MCTP2: variants seen among roughly 807,000 people sequenced by gnomAD.
MCTP2 encodes the protein multiple C2 and transmembrane domain containing 2.
MCTP2 carries 132 observed loss-of-function variants against 111.6 expected under a neutral mutation model. The observed-to-expected ratio is 1.18, with a 90% CI of 1.03 to 1.37. MCTP2 has a LOEUF of 1.37. Among genes scored for constraint, MCTP2 ranks in the 40% most tolerant of loss-of-function variants. The pLI is 0.00. For missense variants in MCTP2, 1,183 were observed against 1,067.9 expected (o/e 1.11, Z -1.50); for synonymous variants, 395 against 387.7 (o/e 1.02, Z -0.22).
intron 18 of MCTP2, 111 bp downstream of exon 18, chr15:94,440,409 G>C: frequency 7.2e-7 from 1 of 1,380,592 alleles, no homozygotes; most frequent in South Asian, 1.3e-5. Context: ...GGTGTAAGGA[G>C]CAGCCCTGCA....
At chr15:94,333,692 G>A (rs894818259) in intron 4 of MCTP2, among the ~76,000 whole-genome samples, 5 of 152,174 alleles carry the variant, frequency 3.3e-5, no homozygotes, top group Non-Finnish European at 2.9e-5. Flanking sequence ...CTTTCCTGAT[G>A]ATAGACTTGA....
At chr15:94,245,169 CA>C (rs2071722217) in intron 1 of MCTP2, among the ~76,000 whole-genome samples, 1 of 145,450 alleles carries the variant, frequency 6.9e-6, no homozygotes, top group African/African-American at 2.5e-5. Flanking sequence ...TATTTATACA[CA>C]TGTATAGATT....
At chr15:94,257,569 GTTTTTTTTTTTTTTT>G (rs760633548) in intron 1 of MCTP2, among the ~76,000 whole-genome samples, 360 of 33,838 alleles carry the variant, frequency 0.011, 1 homozygote, top group Non-Finnish European at 0.015. Context: ...TTTCTTTGTT[GTTTTTTTTTTTTTTT>G]TTTTTTTTTT....
At chr15:94,422,350 G>C (rs979676379) in intron 17 of MCTP2, among the ~76,000 whole-genome samples, 2 of 152,148 alleles carry the variant, frequency 1.3e-5, no homozygotes, top group African/African-American at 4.8e-5. Context: ...TAGTGAGTGA[G>C]TGTAAGGGGC....
chr15:94,290,721 C>A (rs897459496), intron 1 of MCTP2, among the ~76,000 whole-genome samples: 1 of 152,080 alleles, frequency 6.6e-6, no homozygotes, highest in Non-Finnish European at 1.5e-5. Flanking sequence ...GAAATAAAAC[C>A]CACACAAACA....
intron 20 of MCTP2, among the ~76,000 whole-genome samples, chr15:94,462,512 C>G (rs1338664226): frequency 6.6e-6 from 1 of 152,102 alleles, no homozygotes; most frequent in East Asian, 1.9e-4. Context: ...AGAAGATGTT[C>G]TATGATAAAT....
At chr15:94,398,377 A>G (rs1429527312) in intron 14 of MCTP2, among the ~76,000 whole-genome samples, 1 of 152,232 alleles carries the variant, frequency 6.6e-6, no homozygotes, top group East Asian at 1.9e-4. Context: ...TTCCCCATAC[A>G]TACCTTATCC....
At chr15:94,388,502 A>G (rs541711392) in intron 14 of MCTP2, among the ~76,000 whole-genome samples, 18 of 152,254 alleles carry the variant, frequency 1.2e-4, no homozygotes, top group Non-Finnish European at 2.6e-4. Flanking sequence ...TGATCTTAAA[A>G]TTGCTGTAAC....
intron 4 of MCTP2, among the ~76,000 whole-genome samples, chr15:94,337,144 C>T (rs1367579378): frequency 6.6e-6 from 1 of 152,166 alleles, no homozygotes; most frequent in Non-Finnish European, 1.5e-5. Flanking sequence ...GAGAAAATCA[C>T]AATGTGCTCC....
intron 4 of MCTP2, among the ~76,000 whole-genome samples, chr15:94,325,019 A>C (rs971169165): frequency 4.6e-5 from 7 of 152,330 alleles, no homozygotes; most frequent in Admixed American, 3.9e-4. Flanking sequence ...TCATTCTGGC[A>C]GCCCTCTGGG....
chr15:94,403,008 A>C, intron 17 of MCTP2: 6 of 996,852 alleles, frequency 6.0e-6, no homozygotes, highest in Non-Finnish European at 4.8e-6. Flanking sequence ...AAAAACATTT[A>C]TTAGCCCAAG....
chr15:94,256,161 A>G lies in MCTP2; in HGVS notation c.-66+24497A>G, dbSNP rs1456013617. On this transcript the variant is annotated intron_variant, in intron 1 of 22. Coordinates refer to ENST00000357742, the MANE Select transcript of MCTP2 (RefSeq NM_001385001.1). The stretch of plus-strand genomic sequence containing the variant: ...CACACCTGACCCTGTGTGATGGGTC[A>G]CAGTCAAAATGCAGCCGAAACTTTG... Among the ~76,000 whole-genome samples the G allele has an allele frequency of 2.0e-5, 3 of 152,210 alleles. No homozygotes were observed. The East Asian group carries it at 5.8e-4, about 29-fold the overall frequency.
At chr15:94,328,550 G>A (rs1469440022) in intron 4 of MCTP2, among the ~76,000 whole-genome samples, 1 of 152,192 alleles carries the variant, frequency 6.6e-6, no homozygotes, top group East Asian at 1.9e-4. Context: ...ACGTTGATGT[G>A]TGTTGTGTAT....
chr15:94,283,178 G>T (rs1316861677), intron 1 of MCTP2, among the ~76,000 whole-genome samples: 2 of 152,162 alleles, frequency 1.3e-5, no homozygotes, highest in Non-Finnish European at 2.9e-5. Context: ...TAAATGCTTT[G>T]GCTGGGCAGC....
intron 10 of MCTP2, among the ~76,000 whole-genome samples, chr15:94,362,925 T>C (rs549599556): frequency 2.0e-5 from 3 of 152,298 alleles, no homozygotes; most frequent in African/African-American, 7.2e-5. Context: ...CTAGAGAGGC[T>C]GGCTTTAATA....
intron 9 of MCTP2, among the ~76,000 whole-genome samples, chr15:94,357,485 A>G (rs978986050): frequency 2.0e-5 from 3 of 152,052 alleles, no homozygotes; most frequent in Non-Finnish European, 4.4e-5. Context: ...TTAGTTCAGT[A>G]TCTGCTACAT....
chr15:94,444,240 G>A (rs965637543), intron 19 of MCTP2, among the ~76,000 whole-genome samples: 6 of 152,332 alleles, frequency 3.9e-5, no homozygotes, highest in South Asian at 2.1e-4. Context: ...ACAGGGCAAC[G>A]GATGGGGGAA....
At chr15:94,354,039 T>C (rs1052467298) in intron 8 of MCTP2, among the ~76,000 whole-genome samples, 22 of 151,474 alleles carry the variant, frequency 1.5e-4, no homozygotes, top group Admixed American at 6.6e-5. Flanking sequence ...ATAATAATCA[T>C]ATATTATTCC....
At chr15:94,474,659 C>G (rs7177760) in intron 21 of MCTP2, among the ~76,000 whole-genome samples, 29,773 of 152,002 alleles carry the variant, frequency 0.2, 3,919 homozygotes, top group African/African-American at 0.37. Flanking sequence ...AGGAGTTCAA[C>G]ACCAGCCTGA....
Sources: allele counts gnomAD v4.1 joint callset (sites outside exome capture counted in the v4.1 genomes callset), GRCh38; gene constraint gnomAD v4.1.1; transcripts MANE v1.5; gene names NCBI Gene and HGNC (gene_info 2026-07-23, HGNC 2026-07-21).